The following ZEB1 variants were observed in gnomAD, a reference collection of about 807,000 sequenced individuals.
The protein encoded by ZEB1 is zinc finger E-box binding homeobox 1.
In ZEB1, 21 loss-of-function variants were observed where a neutral mutation model predicts 84.9. That is an observed-to-expected ratio of 0.25 (90% CI 0.18 to 0.36). The LOEUF (loss-of-function observed/expected upper bound fraction) is 0.36. ZEB1 is among the 10% of genes least tolerant of loss of function. ZEB1 has a pLI of 1.00. For synonymous variants in ZEB1, 420 were observed against 471.1 expected, an observed-to-expected ratio of 0.89 and a Z score of 1.41; for missense variants, 1,104 against 1,330.2, an observed-to-expected ratio of 0.83 and a Z score of 2.65.
At chr10:31,449,004 C>T (rs1285647639) in intron 1 of ZEB1, among the ~76,000 whole-genome samples, 2 of 152,206 alleles carry the variant, frequency 1.3e-5, no homozygotes, top group South Asian at 4.1e-4. Context: ...GGGCGCCCCT[C>T]CCCCAGCCTC....
chr10:31,360,428 T>G (rs991262268), intron 1 of ZEB1, among the ~76,000 whole-genome samples: 1 of 152,232 alleles, frequency 6.6e-6, no homozygotes, highest in Non-Finnish European at 1.5e-5. Flanking sequence ...GCTAGTTCCT[T>G]TCCTTATACT....
chr10:31,513,803 A>G (rs368840877), intron 5 of ZEB1, among the ~76,000 whole-genome samples: 186 of 152,288 alleles, frequency 1.2e-3, no homozygotes, highest in African/African-American at 4.3e-3. Flanking sequence ...ACTGAGGCAT[A>G]GACTTGTCAT....
At chr10:31,391,231 T>TTGTGTGTGTGTG (rs780805467) in intron 1 of ZEB1, among the ~76,000 whole-genome samples, 3 of 134,788 alleles carry the variant, frequency 2.2e-5, no homozygotes, top group East Asian at 4.4e-4. Context: ...ACAGGTAAGT[T>TTGTGTGTGTGTG]TGTGTGTGTG....
chr10:31,331,951 G>C (rs1007969391), intron 1 of ZEB1, among the ~76,000 whole-genome samples: 1 of 152,146 alleles, frequency 6.6e-6, no homozygotes, highest in Non-Finnish European at 1.5e-5. Context: ...TTGAAGCAAA[G>C]AGTGACATGA....
chr10:31,368,131 A>T (rs759321015), intron 1 of ZEB1, among the ~76,000 whole-genome samples: 2 of 151,350 alleles, frequency 1.3e-5, no homozygotes, highest in Admixed American at 1.3e-4. Context: ...CATGTAAGCT[A>T]TGCATATCCT....
rs1388449824 is a variant in ZEB1 at position 31,360,920 on chromosome 10, C to CT, written c.58+41629dup. On this transcript the variant is annotated intron_variant, in intron 1 of 8. Transcript: ENST00000424869. ...CCTGAAACAGTACTGCATGGATGCT[C>CT]TAATAAATTGCATGTCTGGAGGAAG... 108 of 1,530,976 alleles carry CT rather than the reference C, an allele frequency of 7.1e-5. No homozygotes were observed. The African/African-American group carries it at 1.3e-3, about 19-fold the overall frequency. The allele number at this position is 1,530,976 out of a possible 1,614,324, so 94.8% of individuals were successfully genotyped here. A position where few individuals can be genotyped will look rare whatever the true frequency, so the allele number is the denominator to read the frequency against.
intron 1 of ZEB1, among the ~76,000 whole-genome samples, chr10:31,331,233 C>T (rs184233576): frequency 9.1e-4 from 137 of 151,304 alleles, no homozygotes; most frequent in Admixed American, 3.0e-3. Flanking sequence ...ATTACAGGCG[C>T]GTGCCACCAT....
intron 2 of ZEB1, among the ~76,000 whole-genome samples, chr10:31,494,449 T>C (rs1283648901): frequency 6.6e-6 from 1 of 152,030 alleles, no homozygotes; most frequent in African/African-American, 2.4e-5. Flanking sequence ...GAAAATCTGC[T>C]GAATAAATCC....
chr10:31,440,517 C>T (rs1290317983), intron 1 of ZEB1, among the ~76,000 whole-genome samples: 1 of 152,148 alleles, frequency 6.6e-6, no homozygotes, highest in Non-Finnish European at 1.5e-5. Context: ...TGCCCTTTCT[C>T]ACCACTCCTA....
In ZEB1 at chr10:31,495,818, C is replaced by T; in HGVS notation, c.302C>T (p.Ala101Val). The change falls in exon 3 of 9, where the codon GCA (alanine) becomes GTA (valine). Residue 101 changes from alanine (A) to valine (V), a missense_variant. Transcript: ENST00000424869. ...GAAATCCTGGGGCCTGAAGCTCAGGCAGATGAAGCAGGATGTACAGGTACT... is the reference window on the plus strand; with the variant it reads ...GAAATCCTGGGGCCTGAAGCTCAGGTAGATGAAGCAGGATGTACAGGTACT... ...GQEILGPEAQADEAGCTVKDD... is the reference protein window; with the variant it reads ...GQEILGPEAQVDEAGCTVKDD... The T allele has an allele frequency of 6.2e-7, 1 of 1,612,982 alleles. No homozygotes were observed. Among genetic ancestry groups the T allele is most frequent in the Non-Finnish European group, 8.5e-7 (1 of 1,179,164 alleles).
At chr10:31,514,791 C>T in intron 6 of ZEB1, 83 bp downstream of exon 6, 1 of 1,139,642 alleles carries the variant, frequency 8.8e-7, no homozygotes, top group Non-Finnish European at 1.3e-6. Context: ...AATCTACGTA[C>T]ATGATCAGAA....
chr10:31,334,356 T>G (rs1387228729), intron 1 of ZEB1, among the ~76,000 whole-genome samples: 1 of 152,108 alleles, frequency 6.6e-6, no homozygotes, highest in East Asian at 1.9e-4. Flanking sequence ...TTTGTGTGTG[T>G]GTGTTTTGGA....
chr10:31,527,322 C>T lies in ZEB1; in HGVS notation c.*58C>T. 6.5e-7 allele frequency: 1 copy of T among 1,540,234 alleles called. No homozygotes were observed. Among genetic ancestry groups the T allele is most frequent in the Non-Finnish European group, 8.7e-7 (1 of 1,145,734 alleles). ...GATAATGAATTTCGTTCAATATTAT[C>T]CTTGCTTTTCATGGAAACACAGTAA... On this transcript the variant is annotated 3_prime_UTR_variant, in exon 9 of 9. Transcript: ENST00000424869.
chr10:31,412,119 A>T (rs776176156), intron 1 of ZEB1, among the ~76,000 whole-genome samples: 6 of 152,234 alleles, frequency 3.9e-5, no homozygotes, highest in Non-Finnish European at 8.8e-5. Flanking sequence ...AGTATGTCCT[A>T]CTTTTACAAA....
At chr10:31,504,972 C>G (rs2068729237) in intron 4 of ZEB1, among the ~76,000 whole-genome samples, 1 of 152,050 alleles carries the variant, frequency 6.6e-6, no homozygotes, top group South Asian at 2.1e-4. Context: ...CTAGGACTTT[C>G]CAATACTGTG....
At chr10:31,412,461 C>T (rs2054482955) in intron 1 of ZEB1, among the ~76,000 whole-genome samples, 1 of 152,200 alleles carries the variant, frequency 6.6e-6, no homozygotes, top group South Asian at 2.1e-4. Flanking sequence ...TTCCTGTGTC[C>T]AAGTGTTCTC....
chr10:31,376,184 T>C (rs974297195), intron 1 of ZEB1, among the ~76,000 whole-genome samples: 19 of 151,738 alleles, frequency 1.3e-4, no homozygotes, highest in African/African-American at 4.6e-4. Flanking sequence ...TGTGATGCCA[T>C]AGGTCTTGCA....
chr10:31,501,088 A>C (rs564665517), intron 3 of ZEB1, among the ~76,000 whole-genome samples: 2 of 152,334 alleles, frequency 1.3e-5, no homozygotes, highest in South Asian at 4.1e-4. Flanking sequence ...ACCATCGAAC[A>C]AACAGATGCC....
intron 1 of ZEB1, among the ~76,000 whole-genome samples, chr10:31,365,244 A>G (rs183809962): frequency 8.6e-4 from 131 of 152,360 alleles, no homozygotes; most frequent in African/African-American, 3.0e-3. Context: ...TATGACAAAC[A>G]TAATTTGGTC....
Sources: allele counts gnomAD v4.1 joint callset (sites outside exome capture counted in the v4.1 genomes callset), GRCh38; gene constraint gnomAD v4.1.1; transcripts MANE v1.5; gene names NCBI Gene and HGNC (gene_info 2026-07-23, HGNC 2026-07-21).